Variants in KCNH1 observed in about 807,000 individuals in gnomAD.
KCNH1 encodes potassium voltage-gated channel subfamily H member 1, also known as voltage-gated delayed rectifier potassium channel KCNH1.
A neutral mutation model predicts 69.2 loss-of-function variants in KCNH1; 27 were observed. The ratio of observed to expected loss-of-function variants is 0.39; its 90% CI spans 0.29 to 0.54. The LOEUF (loss-of-function observed/expected upper bound fraction) is 0.54, where lower values mean the gene tolerates loss of function less well. Among genes scored for constraint, KCNH1 ranks in the 20% least tolerant of loss-of-function variants. The probability of loss-of-function intolerance (pLI) is 0.68; values close to 1 mark genes in which losing one functional copy is unlikely to be tolerated. For synonymous variants in KCNH1, 456 were observed against 487.7 expected, an observed-to-expected ratio of 0.93 and a Z score of 0.86; for missense variants, 798 against 1,261.6, an observed-to-expected ratio of 0.63 and a Z score of 5.57.
At chr1:210,696,489 G>C (rs895336085) in intron 10 of KCNH1, among the ~76,000 whole-genome samples, 10 of 152,158 alleles carry the variant, frequency 6.6e-5, no homozygotes, top group African/African-American at 2.4e-4. Context: ...CTGAGTGATT[G>C]TGTGCAGGAG....
intron 6 of KCNH1, among the ~76,000 whole-genome samples, chr1:210,952,460 T>C (rs778170766): frequency 3.3e-5 from 5 of 152,220 alleles, no homozygotes; most frequent in Non-Finnish European, 1.5e-5. Context: ...GGTCACTTTA[T>C]GGAGCTTACA....
At chr1:211,093,112 A>G (rs1169524511) in intron 3 of KCNH1, among the ~76,000 whole-genome samples, 1 of 152,166 alleles carries the variant, frequency 6.6e-6, no homozygotes, top group African/African-American at 2.4e-5. Context: ...CCTGCAGCCC[A>G]TCACTGCACT....
intron 5 of KCNH1, among the ~76,000 whole-genome samples, chr1:211,081,569 C>A (rs1690860907): frequency 6.6e-6 from 1 of 152,084 alleles, no homozygotes; most frequent in African/African-American, 2.4e-5. Flanking sequence ...GGAACTGACC[C>A]AAATGTCCAT....
chr1:210,945,688 G>A (rs778619425), intron 6 of KCNH1, among the ~76,000 whole-genome samples: 18 of 152,130 alleles, frequency 1.2e-4, no homozygotes, highest in East Asian at 5.8e-4. Context: ...TCACTCCCAC[G>A]TAGTCACAGA....
intron 6 of KCNH1, among the ~76,000 whole-genome samples, chr1:210,976,234 G>A (rs376348055): frequency 6.6e-6 from 1 of 151,962 alleles, no homozygotes; most frequent in African/African-American, 2.4e-5. Context: ...ATTTGACCCA[G>A]CCATCCCATT....
At chr1:211,036,953 T>C (rs1233036242) in intron 5 of KCNH1, among the ~76,000 whole-genome samples, 1 of 152,158 alleles carries the variant, frequency 6.6e-6, no homozygotes, top group Admixed American at 6.5e-5. Flanking sequence ...CCAGGCTTTG[T>C]CCAGAGGAAG....
At chr1:211,098,777 T>A (rs1326381839) in intron 3 of KCNH1, among the ~76,000 whole-genome samples, 1 of 152,154 alleles carries the variant, frequency 6.6e-6, no homozygotes, top group East Asian at 1.9e-4. Flanking sequence ...AACACTTCAA[T>A]CTCACTAGCA....
At chr1:210,948,124 G>A (rs141481873) in intron 6 of KCNH1, among the ~76,000 whole-genome samples, 33 of 151,336 alleles carry the variant, frequency 2.2e-4, no homozygotes, top group Non-Finnish European at 4.3e-4. Context: ...AGGCTGAGAC[G>A]GGAGGATCAC....
intron 7 of KCNH1, among the ~76,000 whole-genome samples, chr1:210,888,447 G>A (rs1457714219): frequency 6.6e-6 from 1 of 152,104 alleles, no homozygotes; most frequent in Non-Finnish European, 1.5e-5. Context: ...ACGCCCACAG[G>A]AGAAAGCAGG....
chr1:210,946,257 T>C (rs1045595770), intron 6 of KCNH1, among the ~76,000 whole-genome samples: 7 of 152,092 alleles, frequency 4.6e-5, no homozygotes, highest in Admixed American at 2.0e-4. Context: ...TGTGGGAACT[T>C]AGGGAGCACT....
chr1:210,875,573 C>T lies in KCNH1; in HGVS notation c.1462+44067G>A, dbSNP rs549198871. 4.6e-5 allele frequency among the ~76,000 whole-genome samples: 7 copies of T among 152,164 alleles called. No homozygotes were observed. The South Asian group carries it at 1.0e-3, about 23-fold the overall frequency. ...ATCCCAGCACTTTGGGAGGCCAAGGCGGGCGGATCACTTGAGATCAGGAGT... is the reference window on the plus strand; with the variant it reads ...ATCCCAGCACTTTGGGAGGCCAAGGTGGGCGGATCACTTGAGATCAGGAGT... On this transcript the variant is annotated intron_variant, in intron 7 of 10. Transcript: ENST00000271751.
chr1:210,918,291 C>T (rs1268858088), intron 7 of KCNH1, among the ~76,000 whole-genome samples: 1 of 152,202 alleles, frequency 6.6e-6, no homozygotes, highest in Non-Finnish European at 1.5e-5. Context: ...CACCCTACAT[C>T]AAGCAAAACA....
At chr1:210,872,669 G>A (rs1686278872) in intron 7 of KCNH1, among the ~76,000 whole-genome samples, 1 of 152,182 alleles carries the variant, frequency 6.6e-6, no homozygotes. Context: ...GAGAGAGAGT[G>A]GGGAGGTGCT....
At chr1:210,760,147 C>G (rs944799332) in intron 10 of KCNH1, among the ~76,000 whole-genome samples, 1 of 152,002 alleles carries the variant, frequency 6.6e-6, no homozygotes, top group Non-Finnish European at 1.5e-5. Context: ...TCCCTGGTAC[C>G]AAAAAGGTTG....
At chr1:210,852,410 T>C (rs1685725216) in intron 7 of KCNH1, among the ~76,000 whole-genome samples, 1 of 152,258 alleles carries the variant, frequency 6.6e-6, no homozygotes, top group African/African-American at 2.4e-5. Context: ...TAGCACATAG[T>C]AGGCCCTCAG....
chr1:210,827,352 A>T (rs962115824), intron 7 of KCNH1, among the ~76,000 whole-genome samples: 8 of 43,216 alleles, frequency 1.9e-4, no homozygotes, highest in African/African-American at 6.0e-4. Flanking sequence ...AAAGAAAAAG[A>T]AAAAAAAGAA....
chr1:211,061,336 A>AT (rs774883253), intron 5 of KCNH1, among the ~76,000 whole-genome samples: 89 of 152,340 alleles, frequency 5.8e-4, no homozygotes, highest in Non-Finnish European at 9.9e-4. Context: ...GCCATATAAA[A>AT]CAGACCCACA....
At chr1:210,695,483 G>A (rs1386411518) in intron 10 of KCNH1, among the ~76,000 whole-genome samples, 1 of 152,144 alleles carries the variant, frequency 6.6e-6, no homozygotes, top group African/African-American at 2.4e-5. Context: ...TTTAGCACCT[G>A]AGACTATCAA....
chr1:211,126,089 G>A (rs1691771591), intron 1 of KCNH1, among the ~76,000 whole-genome samples: 1 of 152,224 alleles, frequency 6.6e-6, no homozygotes, highest in African/African-American at 2.4e-5. Flanking sequence ...TTGCAGCAGG[G>A]CGCAGTGGCT....
Sources: allele counts gnomAD v4.1 joint callset (sites outside exome capture counted in the v4.1 genomes callset), GRCh38; gene constraint gnomAD v4.1.1; transcripts MANE v1.5; gene names NCBI Gene and HGNC (gene_info 2026-07-23, HGNC 2026-07-21).